MYO1D: variants seen among roughly 807,000 people sequenced by gnomAD.
The protein encoded by MYO1D is unconventional myosin-Id.
In MYO1D, 83 loss-of-function variants were observed where a neutral mutation model predicts 122.0. That is an observed-to-expected ratio of 0.68 (90% CI 0.57 to 0.82). MYO1D has a LOEUF of 0.82. MYO1D is among the 40% of genes least tolerant of loss of function. MYO1D has a pLI of 0.00. For synonymous variants in MYO1D, 464 were observed against 446.9 expected (o/e 1.04, Z -0.48); for missense variants, 1,157 against 1,269.5 (o/e 0.91, Z 1.35).
chr17:32,512,502 G>A (rs370584232), intron 21 of MYO1D, among the ~76,000 whole-genome samples: 5 of 152,196 alleles, frequency 3.3e-5, no homozygotes, highest in African/African-American at 1.2e-4. Context: ...GAGGTGCCCA[G>A]GACTTCTGCC....
At chr17:32,758,921 G>A (rs953506098) in intron 10 of MYO1D, among the ~76,000 whole-genome samples, 13 of 152,076 alleles carry the variant, frequency 8.5e-5, no homozygotes, top group African/African-American at 2.9e-4. Flanking sequence ...GTTTGGAACA[G>A]TCCACTGCAT....
chr17:32,876,469 C>T (rs1345173115), intron 1 of MYO1D, among the ~76,000 whole-genome samples: 1 of 152,118 alleles, frequency 6.6e-6, no homozygotes, highest in African/African-American at 2.4e-5. Context: ...CGCGGGGAAG[C>T]GCGCCCTCCC....
At position 32,537,564 on chromosome 17, in the gene MYO1D, T is replaced by C. The variant is rs375031689; in HGVS notation, c.2865-42649A>G. On this transcript the variant is annotated intron_variant, in intron 21 of 21. Coordinates refer to ENST00000318217, the MANE Select transcript of MYO1D (RefSeq NM_015194.3). The stretch of plus-strand genomic sequence containing the variant: ...GGGCTACACATGCCAGTATCATAAA[T>C]GTTTAGTTTTTAGGGTCTAATTGCT... 1.3e-4 allele frequency among the ~76,000 whole-genome samples: 20 copies of C among 152,356 alleles called. No homozygotes were observed. The East Asian group carries it at 3.7e-3, about 28-fold the overall frequency.
chr17:32,686,953 T>C (rs1312275451), intron 16 of MYO1D, among the ~76,000 whole-genome samples: 1 of 140,784 alleles, frequency 7.1e-6, no homozygotes, highest in African/African-American at 2.7e-5. Flanking sequence ...AAGAGTGAGA[T>C]CCTGTTTCAA....
intron 1 of MYO1D, among the ~76,000 whole-genome samples, chr17:32,812,229 G>C (rs2090578331): frequency 6.6e-6 from 1 of 152,142 alleles, no homozygotes; most frequent in African/African-American, 2.4e-5. Context: ...TTCAAGAATT[G>C]GTACAGAAGG....
chr17:32,613,583 A>G lies in MYO1D; in HGVS notation c.2710-8342T>C, dbSNP rs188254352. On this transcript the variant is annotated intron_variant, in intron 20 of 21. Coordinates refer to ENST00000318217, the MANE Select transcript of MYO1D (RefSeq NM_015194.3). The stretch of plus-strand genomic sequence containing the variant: ...GAGGTCAGGAGATCAAGATCATCCT[A>G]GCCAACATGGTGAAACTCTGTCTCT... 5.1e-3 allele frequency among the ~76,000 whole-genome samples: 770 copies of G among 152,040 alleles called. 8 individuals are homozygous for G. Among genetic ancestry groups the G allele is most frequent in the Non-Finnish European group, 4.3e-3 (291 of 67,926 alleles).
chr17:32,836,653 T>C (rs2090827665), intron 1 of MYO1D, among the ~76,000 whole-genome samples: 1 of 152,178 alleles, frequency 6.6e-6, no homozygotes, highest in South Asian at 2.1e-4. Flanking sequence ...GTCACTAATT[T>C]GTTATTTCAT....
At chr17:32,786,032 C>G (rs1192163514) in intron 1 of MYO1D, among the ~76,000 whole-genome samples, 1 of 152,146 alleles carries the variant, frequency 6.6e-6, no homozygotes, top group Admixed American at 6.5e-5. Context: ...AAAACTAGAC[C>G]TAGTTGAGGC....
At chr17:32,809,855 A>G (rs1232566252) in intron 1 of MYO1D, among the ~76,000 whole-genome samples, 1 of 152,250 alleles carries the variant, frequency 6.6e-6, no homozygotes, top group Non-Finnish European at 1.5e-5. Flanking sequence ...GGGTCCAACT[A>G]TAATTGTCAG....
intron 1 of MYO1D, among the ~76,000 whole-genome samples, 171 bp downstream of exon 1, chr17:32,876,607 C>T (rs2091233757): frequency 6.6e-6 from 1 of 152,148 alleles, no homozygotes; most frequent in South Asian, 2.1e-4. Flanking sequence ...CGTCCGCTCT[C>T]GGGAAAGCGC....
intron 16 of MYO1D, among the ~76,000 whole-genome samples, chr17:32,683,755 C>T (rs1246693044): frequency 2.0e-5 from 3 of 152,192 alleles, no homozygotes; most frequent in Admixed American, 1.3e-4. Context: ...AGGCAGGCCT[C>T]CTTGAACTGT....
chr17:32,672,604 G>C (rs775830377), intron 16 of MYO1D, among the ~76,000 whole-genome samples: 1 of 152,088 alleles, frequency 6.6e-6, no homozygotes, highest in Non-Finnish European at 1.5e-5. Flanking sequence ...TCCTGCCTCA[G>C]CCTCTTGAGT....
At position 32,738,396 on chromosome 17, in the gene MYO1D, C is replaced by G. The variant is rs376589213; in HGVS notation, c.1614-11G>C. The stretch of plus-strand genomic sequence containing the variant: ...AGCACAGGATTTGAACTGAGAAGCA[C>G]AGAAAAAACAATTCAAATGTCACAT... On this transcript the variant is annotated splice_polypyrimidine_tract_variant and intron_variant, in intron 13 of 21. Transcript: ENST00000318217. 1 of 1,551,282 alleles carries G rather than the reference C, an allele frequency of 6.4e-7. No homozygotes were observed. The highest frequency in any genetic ancestry group is 8.7e-7 in the Non-Finnish European group (1 of 1,148,894).
chr17:32,585,999 C>A lies in MYO1D; in HGVS notation c.2864+19088G>T, dbSNP rs1032509275. 5.3e-5 allele frequency among the ~76,000 whole-genome samples: 8 copies of A among 152,116 alleles called. 1 individual carries two copies. The highest frequency in any genetic ancestry group is 6.8e-3 in the Middle Eastern group (2 of 292). On this transcript the variant is annotated intron_variant, in intron 21 of 21. Coordinates refer to ENST00000318217, the MANE Select transcript of MYO1D (RefSeq NM_015194.3). ...AAGGAGGCTTGGAATAATTTCTCTA[C>A]GTGTCAAGGAGAAGCTAAAGGAAGC...
intron 21 of MYO1D, among the ~76,000 whole-genome samples, chr17:32,603,579 G>A (rs2087588415): frequency 1.4e-5 from 2 of 138,760 alleles, no homozygotes; most frequent in African/African-American, 5.4e-5. Flanking sequence ...AGGTTGGAGT[G>A]AAGTGGCGGG....
intron 16 of MYO1D, among the ~76,000 whole-genome samples, chr17:32,662,965 G>A (rs1014467579): frequency 2.1e-5 from 3 of 146,162 alleles, no homozygotes; most frequent in Non-Finnish European, 4.5e-5. Context: ...TCACCCAGGC[G>A]AGAGTGCAGT....
chr17:32,697,559 C>T (rs2089188605), intron 16 of MYO1D, among the ~76,000 whole-genome samples: 1 of 152,060 alleles, frequency 6.6e-6, no homozygotes, highest in African/African-American at 2.4e-5. Context: ...TGTAAATGCA[C>T]CTTTCCCAAC....
In MYO1D at chr17:32,578,234, C is replaced by T. The variant is rs573491927; in HGVS notation, c.2864+26853G>A. On this transcript the variant is annotated intron_variant, in intron 21 of 21. Transcript: ENST00000318217. ...GTCCTAAGTTCTTTTATTCAACCCA[C>T]CAGAGGTCCAATAAATTGCCATCAA... Among the ~76,000 whole-genome samples the T allele has an allele frequency of 1.4e-4, 22 of 152,314 alleles. No homozygotes were observed. In the East Asian group the frequency reaches 3.1e-3, roughly 21 times the overall value.
chr17:32,523,587 G>A (rs1485464860), intron 21 of MYO1D, among the ~76,000 whole-genome samples: 1 of 152,034 alleles, frequency 6.6e-6, no homozygotes, highest in East Asian at 1.9e-4. Context: ...AGTGCCCGAG[G>A]AGCTTTACAA....
Sources: allele counts gnomAD v4.1 joint callset (sites outside exome capture counted in the v4.1 genomes callset), GRCh38; gene constraint gnomAD v4.1.1; transcripts MANE v1.5; gene names NCBI Gene and HGNC (gene_info 2026-07-23, HGNC 2026-07-21).